The following EYA1 variants were observed in gnomAD, a reference collection of about 807,000 sequenced individuals.
EYA1 encodes EYA transcriptional coactivator and phosphatase 1, also known as protein phosphatase EYA1.
In EYA1, 16 loss-of-function variants were observed where a neutral mutation model predicts 82.0. The observed-to-expected ratio is 0.20, with a 90% CI of 0.13 to 0.30. EYA1 has a LOEUF of 0.30. Ranked by LOEUF, EYA1 falls within the 10% of genes least tolerant of loss-of-function variation. The pLI is 1.00. For missense variants in EYA1, 633 were observed against 730.7 expected (o/e 0.87, Z 1.54); for synonymous variants, 261 against 264.4 (o/e 0.99, Z 0.12).
intron 9 of EYA1, among the ~76,000 whole-genome samples, chr8:71,285,518 A>G (rs1378171196): frequency 6.6e-6 from 1 of 152,220 alleles, no homozygotes; most frequent in Admixed American, 6.5e-5. Flanking sequence ...CATGCTTTTC[A>G]AAAAATACAT....
chr8:71,442,550 A>G (rs1187534254), intron 2 of EYA1, among the ~76,000 whole-genome samples: 1 of 152,238 alleles, frequency 6.6e-6, no homozygotes, highest in Non-Finnish European at 1.5e-5. Flanking sequence ...ATTAACAGAC[A>G]GTTGTATTGA....
intron 11 of EYA1, among the ~76,000 whole-genome samples, chr8:71,262,950 A>C (rs1214633291): frequency 6.6e-6 from 1 of 152,232 alleles, no homozygotes; most frequent in Non-Finnish European, 1.5e-5. Flanking sequence ...ACAAGGAAGA[A>C]AATAAAATCA....
In EYA1 at chr8:71,271,876, G is replaced by A. The variant is rs979855303; in HGVS notation, c.848C>T (p.Pro283Leu). Residue 283 changes from proline to leucine, a missense_variant, in exon 10 of 18, where the codon CCA (proline) becomes CTA (leucine). Coordinates refer to ENST00000340726, the MANE Select transcript of EYA1 (RefSeq NM_000503.6). Reference protein sequence around the residue: ...PTAEYSTIHSPSTPIKDSDSD... With the variant: ...PTAEYSTIHSLSTPIKDSDSD... ...ATCTGAATCTTTAATGGGTGTTGAT[G>A]GGCTGTGGATTGTGCTGTACTCTGC... 1.9e-6 allele frequency: 3 copies of A among 1,614,014 alleles called. No individual in the cohort carries two copies. The African/African-American group carries it at 4.0e-5, about 22-fold the overall frequency.
upstream of EYA1, among the ~76,000 whole-genome samples, chr8:71,366,932 T>C (rs1827790857): frequency 6.6e-6 from 1 of 152,168 alleles, no homozygotes; most frequent in South Asian, 2.1e-4. Flanking sequence ...CATATTGATA[T>C]ATAGCAAAAT....
At chr8:71,268,835 T>G (rs1329445573) in intron 11 of EYA1, among the ~76,000 whole-genome samples, 2 of 152,198 alleles carry the variant, frequency 1.3e-5, no homozygotes, top group African/African-American at 2.4e-5. Flanking sequence ...CCGGTCAAAT[T>G]TGTAATAACA....
In EYA1 at chr8:71,199,235, C is replaced by A. The variant is rs183104870; in HGVS notation, c.*105G>T. 8.7e-6 allele frequency: 7 copies of A among 801,468 alleles called. No homozygotes were observed. The highest frequency in any genetic ancestry group is 1.5e-5 in the Non-Finnish European group (7 of 475,558). The allele number at this position is 801,468 out of a possible 1,614,324, so 49.6% of individuals were successfully genotyped here. A position where few individuals can be genotyped will look rare whatever the true frequency, so the allele number is the denominator to read the frequency against. ...CTGACAGCAACTGCGCATCACCAGG[C>A]GGAAATTGCTAAGTTCTGGAGGCCG... On this transcript the variant is annotated 3_prime_UTR_variant, in exon 18 of 18. Coordinates refer to ENST00000340726, the MANE Select transcript of EYA1 (RefSeq NM_000503.6).
chr8:71,441,873 T>C (rs1186253919), intron 2 of EYA1, among the ~76,000 whole-genome samples: 2 of 152,174 alleles, frequency 1.3e-5, no homozygotes, highest in Non-Finnish European at 2.9e-5. Flanking sequence ...ATTAATTCGC[T>C]TATAAAAAAG....
chr8:71,262,078 G>C (rs1331601276), intron 11 of EYA1, among the ~76,000 whole-genome samples: 1 of 152,092 alleles, frequency 6.6e-6, no homozygotes, highest in East Asian at 1.9e-4. Flanking sequence ...TCTAAGCCTG[G>C]GTCAATTACA....
At chr8:71,399,990 G>C (rs1356204156) in intron 2 of EYA1, among the ~76,000 whole-genome samples, 1 of 152,036 alleles carries the variant, frequency 6.6e-6, no homozygotes, top group Non-Finnish European at 1.5e-5. Flanking sequence ...TCAGAAATAA[G>C]ACTGCACATC....
chr8:71,439,647 A>T (rs1189143442), intron 2 of EYA1, among the ~76,000 whole-genome samples: 1 of 152,208 alleles, frequency 6.6e-6, no homozygotes, highest in Non-Finnish European at 1.5e-5. Context: ...CGGCATGGAA[A>T]TAGAGTTGTA....
At chr8:71,511,550 G>A (rs1264642962) in intron 2 of EYA1, among the ~76,000 whole-genome samples, 2 of 152,184 alleles carry the variant, frequency 1.3e-5, no homozygotes, top group Non-Finnish European at 2.9e-5. Flanking sequence ...GGTCAGGTAA[G>A]ACTAGCAGGG....
intron 9 of EYA1, among the ~76,000 whole-genome samples, chr8:71,279,504 T>C (rs1216000819): frequency 1.3e-5 from 2 of 152,220 alleles, no homozygotes; most frequent in African/African-American, 2.4e-5. Context: ...GGGAAGCAGA[T>C]GCATCAAATT....
rs1052849161 is a variant in EYA1 at position 71,382,837 on chromosome 8, C to T, written c.34-26326G>A. ...AGAAATCATATCGATTTCTAGGTCT[C>T]AAGAAGATTCTATAACGAATACATT... On this transcript the variant is annotated intron_variant, in intron 2 of 18. Transcript: ENST00000643681. Among the ~76,000 whole-genome samples, 3 of 151,954 alleles carry T rather than the reference C, an allele frequency of 2.0e-5. No individual in the cohort carries two copies. In the South Asian group the frequency reaches 6.2e-4, roughly 32 times the overall value.
intron 2 of EYA1, among the ~76,000 whole-genome samples, chr8:71,382,497 C>T (rs1828760787): frequency 6.6e-6 from 1 of 151,374 alleles, no homozygotes; most frequent in Admixed American, 6.6e-5. Context: ...ATTCACTTCA[C>T]ATATATTTCA....
chr8:71,450,914 C>A (rs925876213), intron 2 of EYA1, among the ~76,000 whole-genome samples: 1 of 152,110 alleles, frequency 6.6e-6, no homozygotes, highest in Non-Finnish European at 1.5e-5. Flanking sequence ...AATGACTTCA[C>A]AAGTAAGCAA....
At chr8:71,448,583 A>G (rs1807091446) in intron 2 of EYA1, among the ~76,000 whole-genome samples, 1 of 152,174 alleles carries the variant, frequency 6.6e-6, no homozygotes, top group African/African-American at 2.4e-5. Flanking sequence ...AGGGATCACA[A>G]ATGTTCTTAA....
At chr8:71,465,187 ACT>A (rs2129194940) in intron 2 of EYA1, among the ~76,000 whole-genome samples, 1 of 152,264 alleles carries the variant, frequency 6.6e-6, no homozygotes, top group East Asian at 1.9e-4. Context: ...TACTCTTAAG[ACT>A]CTATGTTTAT....
At chr8:71,519,335 A>G (rs563194478) in intron 2 of EYA1, among the ~76,000 whole-genome samples, 2 of 152,372 alleles carry the variant, frequency 1.3e-5, no homozygotes, top group South Asian at 4.1e-4. Context: ...ACTTTAAATT[A>G]TAACTTCCTG....
At chr8:71,227,573 C>A (rs1393400104) in intron 12 of EYA1, among the ~76,000 whole-genome samples, 1 of 152,174 alleles carries the variant, frequency 6.6e-6, no homozygotes. Flanking sequence ...CCAATTTATT[C>A]ACAAAGCATT....
Sources: gnomAD v4.1 joint callset for allele counts (sites outside exome capture counted in the v4.1 genomes callset) on GRCh38, gnomAD v4.1.1 for gene constraint, MANE v1.5 for transcripts, NCBI Gene and HGNC (gene_info 2026-07-23, HGNC 2026-07-21) for gene names.